FYN: variants seen among roughly 807,000 people sequenced by gnomAD.
The protein encoded by FYN is tyrosine-protein kinase Fyn.
Under a neutral mutation model 70.2 loss-of-function variants are expected in FYN, and 10 were observed. The observed-to-expected ratio is 0.14, with a 90% CI of 0.09 to 0.24. The LOEUF (loss-of-function observed/expected upper bound fraction) is 0.24, where lower values mean the gene tolerates loss of function less well. Among genes scored for constraint, FYN ranks in the 10% least tolerant of loss-of-function variants. The pLI is 1.00. For synonymous variants in FYN, 236 were observed against 248.6 expected (o/e 0.95, Z 0.48); for missense variants, 319 against 673.1 (o/e 0.47, Z 5.82).
Position 111,694,267 on chromosome 6 carries a change from T to C in FYN, c.1273+108A>G. On this transcript the variant is annotated intron_variant, in intron 12 of 13. Transcript: ENST00000354650. The surrounding 1 kb of genome is among the most constrained non-coding windows in gnomAD (Gnocchi z 5.0). ...GTCCAAACCAAGCTGAAGAATGACA[T>C]TTCAAGTATTTTCTGAAGGAAGGGA... 7.1e-7 allele frequency: 1 copy of C among 1,401,144 alleles called. No homozygotes were observed. Among genetic ancestry groups the C allele is most frequent in the Non-Finnish European group, 9.9e-7 (1 of 1,012,922 alleles). The allele number at this position is 1,401,144 out of a possible 1,614,324, so 86.8% of individuals were successfully genotyped here. A position where few individuals can be genotyped will look rare whatever the true frequency, so the allele number is the denominator to read the frequency against.
chr6:111,727,451 C>T (rs1056483834), intron 3 of FYN, among the ~76,000 whole-genome samples: 2 of 152,124 alleles, frequency 1.3e-5, no homozygotes, highest in African/African-American at 4.8e-5. Flanking sequence ...ACATATAATG[C>T]CTCCACCAAG....
intron 12 of FYN, among the ~76,000 whole-genome samples, chr6:111,687,155 G>T (rs1179229477): frequency 2.0e-5 from 3 of 152,172 alleles, no homozygotes; most frequent in Non-Finnish European, 4.4e-5. Flanking sequence ...TTCTATGAAA[G>T]AATGTGTTAA....
chr6:111,758,100 C>G (rs1802823723), intron 3 of FYN, among the ~76,000 whole-genome samples: 1 of 152,030 alleles, frequency 6.6e-6, no homozygotes, highest in Non-Finnish European at 1.5e-5. Flanking sequence ...ATGTTAAAAG[C>G]CTAACTCACT....
chr6:111,783,065 C>T (rs917969358), intron 2 of FYN, among the ~76,000 whole-genome samples: 31 of 152,288 alleles, frequency 2.0e-4, no homozygotes, highest in African/African-American at 7.0e-4. Flanking sequence ...CCAGCCTCAG[C>T]GTGGACACTG....
intron 13 of FYN, among the ~76,000 whole-genome samples, chr6:111,673,619 A>ATCGTTTT (rs1554272175): frequency 1.5e-5 from 1 of 65,010 alleles, no homozygotes; most frequent in African/African-American, 5.2e-5. Context: ...CGTTTCTATC[A>ATCGTTTT]TTGTTTTTTT....
intron 2 of FYN, among the ~76,000 whole-genome samples, chr6:111,830,199 T>C (rs1463775981): frequency 6.6e-6 from 1 of 152,040 alleles, no homozygotes; most frequent in African/African-American, 2.4e-5. Flanking sequence ...ACAGAAAATG[T>C]GAGATGCCCA....
intron 2 of FYN, among the ~76,000 whole-genome samples, chr6:111,786,126 T>G (rs1404746557): frequency 2.0e-5 from 3 of 152,150 alleles, no homozygotes; most frequent in African/African-American, 7.2e-5. Context: ...TTGTTACATA[T>G]GTATACATGC....
intron 1 of FYN, among the ~76,000 whole-genome samples, chr6:111,859,720 G>A (rs1773910398): frequency 1.3e-5 from 2 of 152,124 alleles, no homozygotes. Flanking sequence ...CTGAGTGACT[G>A]CTACTTTCTA....
At chr6:111,775,003 G>A (rs567452299) in intron 3 of FYN, among the ~76,000 whole-genome samples, 7 of 152,278 alleles carry the variant, frequency 4.6e-5, no homozygotes, top group South Asian at 4.1e-4. Context: ...ACAGGTATGC[G>A]CCACTGCACC....
chr6:111,866,538 C>T (rs1198705024), intron 1 of FYN, among the ~76,000 whole-genome samples: 3 of 152,212 alleles, frequency 2.0e-5, no homozygotes, highest in African/African-American at 7.2e-5. Flanking sequence ...GACAAGGTTT[C>T]GCCGTGTTGG....
chr6:111,720,201 G>A, intron 3 of FYN, 139 bp from the exon 4 acceptor site: 1 of 954,786 alleles, frequency 1.0e-6, no homozygotes. Context: ...AAAGGCAGTG[G>A]CTGGGGAGAT....
chr6:111,804,871 C>T (rs549005917), intron 2 of FYN, among the ~76,000 whole-genome samples: 3 of 152,286 alleles, frequency 2.0e-5, no homozygotes, highest in South Asian at 2.1e-4. Flanking sequence ...CTCTAGGCTT[C>T]GCTGGTCATT....
At chr6:111,758,204 C>T (rs1434938064) in intron 3 of FYN, among the ~76,000 whole-genome samples, 2 of 152,156 alleles carry the variant, frequency 1.3e-5, no homozygotes, top group Non-Finnish European at 2.9e-5. Flanking sequence ...GCACTAAAAT[C>T]ATATTGCAAC....
At chr6:111,692,523 C>G (rs944485426) in intron 12 of FYN, among the ~76,000 whole-genome samples, 1 of 152,146 alleles carries the variant, frequency 6.6e-6, no homozygotes, top group Non-Finnish European at 1.5e-5. Flanking sequence ...TGGACTAAAC[C>G]CCCAGGCCCT....
chr6:111,837,244 G>A (rs1166963329), intron 2 of FYN, among the ~76,000 whole-genome samples: 1 of 152,080 alleles, frequency 6.6e-6, no homozygotes, highest in Non-Finnish European at 1.5e-5. Flanking sequence ...GCACTTTGAT[G>A]TACATCAAAC....
intron 3 of FYN, among the ~76,000 whole-genome samples, chr6:111,758,169 C>T (rs1196704546): frequency 2.0e-5 from 3 of 152,262 alleles, no homozygotes; most frequent in Middle Eastern, 3.4e-3. Context: ...AAATATAGTA[C>T]ATACCTATAA....
intron 2 of FYN, among the ~76,000 whole-genome samples, chr6:111,783,918 AG>A (rs903903613): frequency 6.6e-6 from 1 of 152,220 alleles, no homozygotes; most frequent in African/African-American, 2.4e-5. Flanking sequence ...TGATTTTGAA[AG>A]TTTCCCCAGG....
chr6:111,713,019 A>G (rs1316102833), intron 5 of FYN, among the ~76,000 whole-genome samples: 1 of 152,166 alleles, frequency 6.6e-6, no homozygotes, highest in Non-Finnish European at 1.5e-5. Flanking sequence ...ACAAAAAGTT[A>G]AAAAAACACC....
intron 2 of FYN, among the ~76,000 whole-genome samples, chr6:111,802,131 G>A (rs749124486): frequency 3.3e-5 from 5 of 152,164 alleles, no homozygotes; most frequent in Non-Finnish European, 7.4e-5. Flanking sequence ...CCTGGTGGGA[G>A]GTGACTGGAT....
Sources: allele counts gnomAD v4.1 joint callset (sites outside exome capture counted in the v4.1 genomes callset), GRCh38; gene constraint gnomAD v4.1.1; non-coding constraint Gnocchi (gnomAD v3.1); transcripts MANE v1.5; gene names NCBI Gene and HGNC (gene_info 2026-07-23, HGNC 2026-07-21).